KRIT1: variants seen among roughly 807,000 people sequenced by gnomAD.
KRIT1 encodes krev interaction trapped protein 1.
A neutral mutation model predicts 95.8 loss-of-function variants in KRIT1; 45 were observed. That is an observed-to-expected ratio of 0.47 (90% CI 0.37 to 0.60). KRIT1 has a LOEUF of 0.60. Ranked by LOEUF, KRIT1 falls within the 20% of genes least tolerant of loss-of-function variation. KRIT1 has a pLI of 0.00. For synonymous variants in KRIT1, 282 were observed against 278.8 expected, an observed-to-expected ratio of 1.01 and a Z score of -0.11; for missense variants, 788 against 877.5, an observed-to-expected ratio of 0.90 and a Z score of 1.29.
chr7:92,212,740 C>T (rs555507276), intron 17 of KRIT1, among the ~76,000 whole-genome samples: 1 of 152,252 alleles, frequency 6.6e-6, no homozygotes, highest in African/African-American at 2.4e-5. Flanking sequence ...GTGGCCTGAA[C>T]TAGATAGGTA....
intron 10 of KRIT1, among the ~76,000 whole-genome samples, chr7:92,230,145 T>G (rs908081959): frequency 6.6e-6 from 1 of 152,156 alleles, no homozygotes; most frequent in Non-Finnish European, 1.5e-5. Flanking sequence ...CTTATATAAT[T>G]ATTTAATATA....
intron 13 of KRIT1, 122 bp downstream of exon 13, chr7:92,222,700 A>G (rs1280868288): frequency 3.5e-5 from 24 of 689,226 alleles, no homozygotes; most frequent in Non-Finnish European, 5.0e-6. Context: ...TATATAAAAG[A>G]GAAGAACATT....
chr7:92,242,214 T>C, intron 3 of KRIT1, 77 bp from the exon 4 acceptor site: 1 of 826,018 alleles, frequency 1.2e-6, no homozygotes, highest in East Asian at 2.4e-5. Context: ...AAGTAATGCA[T>C]CTTAAATTGA....
At chr7:92,235,802 A>C in intron 7 of KRIT1, 156 bp from the exon 8 acceptor site, 1 of 664,626 alleles carries the variant, frequency 1.5e-6, no homozygotes, top group Non-Finnish European at 2.5e-6. Context: ...TTATTTTTAA[A>C]ATTTATTTAT....
intron 9 of KRIT1, 73 bp downstream of exon 9, chr7:92,234,735 T>C (rs1328620407): frequency 4.3e-6 from 5 of 1,149,934 alleles, no homozygotes; most frequent in Non-Finnish European, 6.6e-6. Flanking sequence ...ATTGCATATA[T>C]AATTTTAAAC....
chr7:92,200,450 G>T lies in KRIT1; in HGVS notation c.*286C>A. The T allele has an allele frequency of 2.5e-6, 1 of 392,290 alleles. No individual in the cohort carries two copies. Among genetic ancestry groups the T allele is most frequent in the Non-Finnish European group, 4.8e-6 (1 of 207,198 alleles). The allele number at this position is 392,290 out of a possible 1,614,324, so 24.3% of individuals were successfully genotyped here. ...GCTCACTACAACCTCCACCTCCTGGGTTTAAGCGATCTCCCACCTTGGCCT... is the reference window on the plus strand; with the variant it reads ...GCTCACTACAACCTCCACCTCCTGGTTTTAAGCGATCTCCCACCTTGGCCT... On this transcript the variant is annotated 3_prime_UTR_variant, in exon 19 of 19. Transcript: ENST00000394505.
intron 14 of KRIT1, among the ~76,000 whole-genome samples, chr7:92,220,502 TG>T (rs1310630242): frequency 2.0e-5 from 3 of 152,168 alleles, no homozygotes; most frequent in Non-Finnish European, 4.4e-5. Flanking sequence ...ACATGGCTGT[TG>T]AAATTTTCTT....
At position 92,237,699 on chromosome 7, in the gene KRIT1, G is replaced by T; in HGVS notation, c.323C>A (p.Ala108Glu). Residue 108 changes from alanine to glutamate, a missense_variant, in exon 6 of 19, where the codon GCA becomes GAA. Coordinates refer to ENST00000394505, the MANE Select transcript of KRIT1 (RefSeq NM_194454.3). ...PLDGEKMGRE[A>E]SLFIVPSVVK... is the part of the protein sequence containing the mutation. ...AACTGATGGAACAATAAATAATGAT[G>T]CTTCTCTGCCCATCTTCTCTCCATC... The T allele has an allele frequency of 6.2e-7, 1 of 1,605,814 alleles. No homozygotes were observed. The highest frequency in any genetic ancestry group is 8.5e-7 in the Non-Finnish European group (1 of 1,172,812).
intron 14 of KRIT1, among the ~76,000 whole-genome samples, chr7:92,219,922 T>G (rs1794782916): frequency 1.3e-5 from 2 of 152,230 alleles, no homozygotes. Flanking sequence ...TTTCTTGTAT[T>G]ATTCTTTGCT....
intron 17 of KRIT1, among the ~76,000 whole-genome samples, chr7:92,212,616 C>T (rs1221135616): frequency 6.6e-6 from 1 of 152,202 alleles, no homozygotes; most frequent in African/African-American, 2.4e-5. Context: ...GAAAAACGCT[C>T]TCACTAGAAT....
chr7:92,226,825 A>T, intron 10 of KRIT1, 143 bp from the exon 11 acceptor site: 1 of 704,722 alleles, frequency 1.4e-6, no homozygotes, highest in Non-Finnish European at 2.4e-6. Context: ...GCAAAGGATT[A>T]TTAAGATACT....
intron 1 of KRIT1, chr7:92,245,582 G>A (rs938372200): frequency 6.6e-6 from 1 of 151,736 alleles, no homozygotes; most frequent in African/African-American, 2.4e-5. Flanking sequence ...CAACTAAATG[G>A]GTGGGACAGT....
rs376022532 is a variant in KRIT1, at chr7:92,237,708, C to A, written c.314G>T (p.Gly105Val). Residue 105 changes from glycine to valine, a missense_variant, in exon 6 of 19, where the codon GGC becomes GTC. Around this residue, in one of 3 missense-constraint regions of KRIT1, gnomAD observed 289 missense variants for 277.5 expected, o/e 1.04. Coordinates refer to ENST00000394505, the MANE Select transcript of KRIT1 (RefSeq NM_194454.3). Reference protein sequence around the residue: ...KKFPLDGEKMGREASLFIVPS... With the variant: ...KKFPLDGEKMVREASLFIVPS... Reference sequence around the variant, plus strand: ...AACAATAAATAATGATGCTTCTCTGCCCATCTTCTCTCCATCCAGAGGAAA... The same window carrying A: ...AACAATAAATAATGATGCTTCTCTGACCATCTTCTCTCCATCCAGAGGAAA... 17 of 1,608,478 alleles carry A rather than the reference C, an allele frequency of 1.1e-5. No individual in the cohort carries two copies. Among genetic ancestry groups the A allele is most frequent in the Non-Finnish European group, 1.4e-5 (17 of 1,175,322 alleles).
chr7:92,199,389 TTAAA>T (rs1249439595), downstream of KRIT1: 1 of 152,206 alleles, frequency 6.6e-6, no homozygotes, highest in Non-Finnish European at 1.5e-5. Context: ...TAGGACAACT[TTAAA>T]TATGACTATA....
At chr7:92,228,849 G>A (rs1796719326) in intron 10 of KRIT1, among the ~76,000 whole-genome samples, 1 of 152,056 alleles carries the variant, frequency 6.6e-6, no homozygotes, top group Admixed American at 6.6e-5. Context: ...GGCATTTTCT[G>A]TTCCTGCATT....
chr7:92,228,255 A>G (rs924843500), intron 10 of KRIT1, among the ~76,000 whole-genome samples: 1 of 152,240 alleles, frequency 6.6e-6, no homozygotes, highest in Non-Finnish European at 1.5e-5. Flanking sequence ...TCAGAAGAGT[A>G]CAATGCATAC....
At position 92,226,663 on chromosome 7, in the gene KRIT1, T is replaced by C. The variant is rs745869294; in HGVS notation, c.1009A>G (p.Thr337Ala). ...TTTCCTTTCTCTAACAATATGCGAGTGGCCTCAACTTTTCCATACCTGTAT... is the reference window on the plus strand; with the variant it reads ...TTTCCTTTCTCTAACAATATGCGAGCGGCCTCAACTTTTCCATACCTGTAT... ...YACWYGKVEA[T>A]RILLEKGKCN... The change falls in exon 11 of 19, where the codon ACT (threonine) becomes GCT (alanine). Residue 337 changes from threonine to alanine, a missense_variant. Around this residue, in one of 3 missense-constraint regions of KRIT1, gnomAD observed 493 missense variants for 582.3 expected, o/e 0.85. Coordinates refer to ENST00000394505, the MANE Select transcript of KRIT1 (RefSeq NM_194454.3). 8.7e-6 allele frequency: 14 copies of C among 1,613,318 alleles called. No individual in the cohort carries two copies. The Admixed American group carries it at 1.3e-4, about 15-fold the overall frequency.
intron 14 of KRIT1, among the ~76,000 whole-genome samples, chr7:92,217,511 T>A (rs1794232056): frequency 6.6e-6 from 1 of 152,236 alleles, no homozygotes; most frequent in South Asian, 2.1e-4. Context: ...TTACTTGATA[T>A]AAGTAGAATT....
At chr7:92,204,940 T>A (rs1046660043) in intron 17 of KRIT1, among the ~76,000 whole-genome samples, 1 of 152,158 alleles carries the variant, frequency 6.6e-6, no homozygotes, top group African/African-American at 2.4e-5. Context: ...TCCATTCACG[T>A]GTGTATCTAT....
Sources: allele counts gnomAD v4.1 joint callset (sites outside exome capture counted in the v4.1 genomes callset), GRCh38; gene constraint gnomAD v4.1.1; regional missense constraint gnomAD v4.1.1; transcripts MANE v1.5; gene names NCBI Gene and HGNC (gene_info 2026-07-23, HGNC 2026-07-21).